Variants in EXOC4 observed in about 807,000 individuals in gnomAD.
EXOC4 encodes the protein exocyst complex component 4.
Under a neutral mutation model 107.2 loss-of-function variants are expected in EXOC4, and 71 were observed. That is an observed-to-expected ratio of 0.66 (90% CI 0.55 to 0.81). EXOC4 has a LOEUF of 0.81. EXOC4 is among the 30% of genes least tolerant of loss of function. EXOC4 has a pLI of 0.00. For missense variants in EXOC4, 1,108 were observed against 1,189.6 expected (o/e 0.93, Z 1.01); for synonymous variants, 456 against 441.2 (o/e 1.03, Z -0.42).
intron 9 of EXOC4, among the ~76,000 whole-genome samples, chr7:133,578,052 G>A (rs1319031929): frequency 6.6e-6 from 1 of 152,080 alleles, no homozygotes; most frequent in African/African-American, 2.4e-5. Context: ...ATAAATAGAT[G>A]CAAATAGTTT....
chr7:134,000,435 C>G (rs1180576913), intron 15 of EXOC4, among the ~76,000 whole-genome samples: 1 of 152,108 alleles, frequency 6.6e-6, no homozygotes, highest in Non-Finnish European at 1.5e-5. Context: ...ATTGTGATGG[C>G]TGGCCCTGAA....
At chr7:133,580,089 G>A (rs6963980) in intron 9 of EXOC4, among the ~76,000 whole-genome samples, 94,613 of 152,148 alleles carry the variant, frequency 0.62, 30,585 homozygotes, top group South Asian at 0.73. Context: ...TTCACTTAGC[G>A]TAATGTTCTC....
intron 3 of EXOC4, among the ~76,000 whole-genome samples, chr7:133,305,354 TA>T (rs1203583504): frequency 6.6e-6 from 1 of 152,154 alleles, no homozygotes; most frequent in Admixed American, 6.5e-5. Flanking sequence ...AGCATTCATG[TA>T]AAAAAATGTA....
chr7:133,722,346 G>C (rs1363065714), intron 10 of EXOC4, among the ~76,000 whole-genome samples: 1 of 152,158 alleles, frequency 6.6e-6, no homozygotes, highest in African/African-American at 2.4e-5. Flanking sequence ...TTACATTCTT[G>C]TTACCTTTGC....
In EXOC4 at chr7:133,928,965, A is replaced by G. The variant is rs189313211; in HGVS notation, c.2028-8926A>G. ...TTTTTTTTTTTGAGACGGAGTCTCCATCTGTCGCCCAGGCTGGAGTGCAGT... is the reference window on the plus strand; with the variant it reads ...TTTTTTTTTTTGAGACGGAGTCTCCGTCTGTCGCCCAGGCTGGAGTGCAGT... On this transcript the variant is annotated intron_variant, in intron 13 of 17. Coordinates refer to ENST00000253861, the MANE Select transcript of EXOC4 (RefSeq NM_021807.4). Among the ~76,000 whole-genome samples, 5 of 113,912 alleles carry G rather than the reference A, an allele frequency of 4.4e-5. No homozygotes were observed. In the East Asian group the frequency reaches 7.6e-4, roughly 17 times the overall value. 74.7% of individuals were successfully genotyped at this position (113,912 alleles called of 152,430 possible).
intron 7 of EXOC4, chr7:133,396,144 A>G (rs1796966761): frequency 6.6e-6 from 1 of 152,066 alleles, no homozygotes; most frequent in Admixed American, 6.5e-5. Context: ...TGATTGAGAA[A>G]CTTGGAGGAT....
rs568480896 is a variant in EXOC4, at chr7:134,018,451, C to T, written c.2687+10616C>T. On this transcript the variant is annotated intron_variant, in intron 17 of 17. Transcript: ENST00000253861. ...AAAGCCCTTCTCTTCATTCCCACCTCCTGCTTTACTGAACACCCTTTGCTG... is the reference window on the plus strand; with the variant it reads ...AAAGCCCTTCTCTTCATTCCCACCTTCTGCTTTACTGAACACCCTTTGCTG... Among the ~76,000 whole-genome samples, 5 of 152,240 alleles carry T rather than the reference C, an allele frequency of 3.3e-5. No individual in the cohort carries two copies. The South Asian group carries it at 1.0e-3, about 32-fold the overall frequency.
intron 6 of EXOC4, among the ~76,000 whole-genome samples, chr7:133,370,511 T>G (rs373242692): frequency 1.3e-5 from 2 of 152,212 alleles, no homozygotes; most frequent in East Asian, 3.9e-4. Context: ...CAAATTAATC[T>G]CAGTGACCAG....
rs114849331 is a variant in EXOC4, at chr7:133,617,735, T to G, written c.1418-12310T>G. 2.5e-3 allele frequency among the ~76,000 whole-genome samples: 374 copies of G among 152,236 alleles called. 5 individuals are homozygous for G. The highest frequency in any genetic ancestry group is 8.4e-3 in the African/African-American group (350 of 41,550). On this transcript the variant is annotated intron_variant, in intron 9 of 17. Coordinates refer to ENST00000253861, the MANE Select transcript of EXOC4 (RefSeq NM_021807.4). ...GAGACTAAAAGGAAGTTGGTCACCT[T>G]GACACAGGCTGAGGGGAGAAAAAAA...
chr7:133,341,249 C>T (rs1795654210), intron 5 of EXOC4, among the ~76,000 whole-genome samples: 1 of 152,144 alleles, frequency 6.6e-6, no homozygotes, highest in Admixed American at 6.5e-5. Context: ...CTGTTCAGTT[C>T]AAAGAATTTT....
chr7:134,063,262 G>T (rs1199690314), intron 17 of EXOC4, among the ~76,000 whole-genome samples: 1 of 152,142 alleles, frequency 6.6e-6, no homozygotes, highest in African/African-American at 2.4e-5. Flanking sequence ...AGCCCTGCCT[G>T]ACAGAATCTT....
At chr7:133,993,882 G>A (rs1794317635) in intron 14 of EXOC4, among the ~76,000 whole-genome samples, 1 of 152,208 alleles carries the variant, frequency 6.6e-6, no homozygotes, top group Non-Finnish European at 1.5e-5. Flanking sequence ...TACTTAGGGG[G>A]TCAGTGGACA....
chr7:133,944,636 A>AT (rs150191516), intron 14 of EXOC4, among the ~76,000 whole-genome samples: 95 of 152,242 alleles, frequency 6.2e-4, no homozygotes, highest in Non-Finnish European at 8.2e-4. Context: ...TCTAGTGGCT[A>AT]TTTTTTTAAC....
chr7:133,696,235 C>A (rs1265667509), intron 10 of EXOC4, among the ~76,000 whole-genome samples: 1 of 152,174 alleles, frequency 6.6e-6, no homozygotes, highest in Non-Finnish European at 1.5e-5. Flanking sequence ...TCATGCCAAA[C>A]CAGTTTCTGT....
At chr7:133,634,925 CT>C (rs1274858977) in intron 10 of EXOC4, among the ~76,000 whole-genome samples, 1 of 152,042 alleles carries the variant, frequency 6.6e-6, no homozygotes, top group African/African-American at 2.4e-5. Context: ...TAACTGATGC[CT>C]TTTTTTCTTC....
At chr7:133,384,841 T>C (rs1018417033) in intron 7 of EXOC4, among the ~76,000 whole-genome samples, 6 of 151,868 alleles carry the variant, frequency 4.0e-5, no homozygotes, top group East Asian at 3.9e-4. Flanking sequence ...GCCAAATTCT[T>C]CAGAAACTTG....
chr7:133,549,411 G>A (rs1003610700), intron 9 of EXOC4, among the ~76,000 whole-genome samples: 2 of 152,158 alleles, frequency 1.3e-5, no homozygotes, highest in South Asian at 4.2e-4. Context: ...TTGGGAAGCC[G>A]GAGGAGAGAG....
intron 9 of EXOC4, 74 bp downstream of exon 9, chr7:133,480,212 C>T (rs1317502334): frequency 1.3e-6 from 2 of 1,574,052 alleles, no homozygotes; most frequent in African/African-American, 1.3e-5. Context: ...GAGTTTGTGT[C>T]CTGCATTCAC....
intron 13 of EXOC4, among the ~76,000 whole-genome samples, chr7:133,922,202 CTG>C (rs1799951860): frequency 6.6e-6 from 1 of 152,146 alleles, no homozygotes. Context: ...AAAGTCACAA[CTG>C]TGCCAATTTT....
Sources: allele counts gnomAD v4.1 joint callset (sites outside exome capture counted in the v4.1 genomes callset), GRCh38; gene constraint gnomAD v4.1.1; transcripts MANE v1.5; gene names NCBI Gene and HGNC (gene_info 2026-07-23, HGNC 2026-07-21).